TOX2: variants seen among roughly 807,000 people sequenced by gnomAD.
The protein encoded by TOX2 is TOX high mobility group box family member 2.
A neutral mutation model predicts 47.4 loss-of-function variants in TOX2; 15 were observed. The ratio of observed to expected loss-of-function variants is 0.32; its 90% CI spans 0.21 to 0.49. The LOEUF (loss-of-function observed/expected upper bound fraction) is 0.49. TOX2 is among the 20% of genes least tolerant of loss of function. The pLI is 0.99. For synonymous variants in TOX2, 290 were observed against 296.6 expected, an observed-to-expected ratio of 0.98 and a Z score of 0.23; for missense variants, 622 against 673.1, an observed-to-expected ratio of 0.92 and a Z score of 0.84.
At chr20:44,034,764 C>G (rs1274850681) in intron 3 of TOX2, among the ~76,000 whole-genome samples, 1 of 152,198 alleles carries the variant, frequency 6.6e-6, no homozygotes, top group African/African-American at 2.4e-5. Context: ...CTTCTCACAT[C>G]ATTGATCCAA....
At chr20:43,984,341 A>G (rs1212112072) in intron 2 of TOX2, among the ~76,000 whole-genome samples, 1 of 152,250 alleles carries the variant, frequency 6.6e-6, no homozygotes, top group Non-Finnish European at 1.5e-5. Flanking sequence ...CAGTTGGAGA[A>G]TAAAATACAA....
intron 3 of TOX2, among the ~76,000 whole-genome samples, chr20:44,027,735 G>T (rs191101371): frequency 2.7e-4 from 41 of 152,342 alleles, no homozygotes; most frequent in Non-Finnish European, 4.1e-4. Flanking sequence ...GCAGAAGGAA[G>T]TGCACAGGCA....
intron 1 of TOX2, among the ~76,000 whole-genome samples, chr20:43,921,326 C>T (rs1568997706): frequency 6.6e-6 from 1 of 152,196 alleles, no homozygotes; most frequent in Non-Finnish European, 1.5e-5. Flanking sequence ...TCTCTGATTT[C>T]CTAGAGTTGG....
chr20:43,918,652 T>TTG (rs1159334614), intron 1 of TOX2, among the ~76,000 whole-genome samples: 1 of 152,254 alleles, frequency 6.6e-6, no homozygotes, highest in Admixed American at 6.5e-5. Flanking sequence ...ATCCACGATG[T>TTG]TGTATATATC....
rs754794148 is a variant in TOX2 at position 44,051,423 on chromosome 20, A to G, written c.529A>G (p.Ile177Val). The G allele has an allele frequency of 1.9e-6, 3 of 1,613,954 alleles. No homozygotes were observed. Among genetic ancestry groups the G allele is most frequent in the Non-Finnish European group, 2.5e-6 (3 of 1,180,004 alleles). ...HMSALSQSQL[I>V]SQMGIRSSIA... ...GAGTGCCCTCAGCCAGTCCCAGCTCATCTCGCAGATGGGCATCCGGAGCAG... is the reference window on the plus strand; with the variant it reads ...GAGTGCCCTCAGCCAGTCCCAGCTCGTCTCGCAGATGGGCATCCGGAGCAG... Residue 177 changes from isoleucine (I) to valine (V), a missense_variant, in exon 4 of 9, where the codon ATC becomes GTC. This residue lies in a region of TOX2 where 307 missense variants were observed against 327.3 expected (regional missense o/e 0.94). Transcript: ENST00000341197.
Position 44,051,453 on chromosome 20 carries a change from G to A in TOX2, c.559G>A (p.Ala187Thr), listed in dbSNP as rs761415679. 5.0e-6 allele frequency: 8 copies of A among 1,613,834 alleles called. No individual in the cohort carries two copies. The highest frequency in any genetic ancestry group is 2.7e-5 in the African/African-American group (2 of 75,030). ...GCAGATGGGCATCCGGAGCAGCATC[G>A]CCCACAGCTCCCCATCACCGCCGGG... ...ISQMGIRSSI[A>T]HSSPSPPGSK... Residue 187 changes from alanine (A) to threonine (T), a missense_variant, in exon 4 of 9, where the codon GCC becomes ACC. By Grantham distance (58) the Ala-to-Thr change is moderately conservative. Around this residue, in one of 3 missense-constraint regions of TOX2, gnomAD observed 307 missense variants for 327.3 expected, o/e 0.94. Transcript: ENST00000341197.
At chr20:44,042,992 CA>C (rs2071357526) in intron 3 of TOX2, among the ~76,000 whole-genome samples, 1 of 152,170 alleles carries the variant, frequency 6.6e-6, no homozygotes, top group Admixed American at 6.5e-5. Context: ...GCAAGAACAG[CA>C]GTGCCATTTT....
intron 5 of TOX2, among the ~76,000 whole-genome samples, chr20:44,060,478 C>T (rs962306543): frequency 3.3e-5 from 5 of 152,118 alleles, no homozygotes; most frequent in African/African-American, 1.2e-4. Context: ...ATGGAACGTT[C>T]TCCAAGATAG....
chr20:43,999,748 C>A (rs1162930586), intron 2 of TOX2, among the ~76,000 whole-genome samples: 1 of 152,142 alleles, frequency 6.6e-6, no homozygotes, highest in Non-Finnish European at 1.5e-5. Flanking sequence ...TATGGAATTG[C>A]CAGGGGGCCT....
At chr20:43,952,542 G>C (rs1341001335) in intron 1 of TOX2, among the ~76,000 whole-genome samples, 1 of 152,206 alleles carries the variant, frequency 6.6e-6, no homozygotes, top group African/African-American at 2.4e-5. Context: ...TGGTCCTCTA[G>C]AGAAAGCCTG....
intron 1 of TOX2, among the ~76,000 whole-genome samples, chr20:43,955,778 T>A (rs75532413): frequency 6.6e-6 from 1 of 152,186 alleles, no homozygotes; most frequent in Admixed American, 6.5e-5. Flanking sequence ...ACTGCCACGC[T>A]GTTTTACTTA....
chr20:44,040,022 G>A (rs1456391907), intron 3 of TOX2, among the ~76,000 whole-genome samples: 1 of 152,240 alleles, frequency 6.6e-6, no homozygotes, highest in Non-Finnish European at 1.5e-5. Flanking sequence ...TGCTAAAAGT[G>A]TTGGGGCAGC....
chr20:43,945,465 G>A (rs974438870), intron 1 of TOX2, among the ~76,000 whole-genome samples: 1 of 152,240 alleles, frequency 6.6e-6, no homozygotes, highest in Non-Finnish European at 1.5e-5. Flanking sequence ...CATGCACTGA[G>A]TACAGGTATT....
Position 44,055,302 on chromosome 20 carries a change from G to A in TOX2, c.879+776G>A, listed in dbSNP as rs566014867. 7.2e-5 allele frequency among the ~76,000 whole-genome samples: 11 copies of A among 152,338 alleles called. No individual in the cohort carries two copies. The South Asian group carries it at 1.0e-3, about 14-fold the overall frequency. ...GTAAAATTACAATTGTGATTGTGCCGTGTACCAGGAGGGTACATAGTTCAT... is the reference window on the plus strand; with the variant it reads ...GTAAAATTACAATTGTGATTGTGCCATGTACCAGGAGGGTACATAGTTCAT... On this transcript the variant is annotated intron_variant, in intron 5 of 8. Coordinates refer to ENST00000341197, the MANE Select transcript of TOX2 (RefSeq NM_001098797.2).
At chr20:44,064,650 C>A in intron 5 of TOX2, 127 bp from the exon 6 acceptor site, 1 of 850,630 alleles carries the variant, frequency 1.2e-6, no homozygotes, top group South Asian at 1.6e-5. Flanking sequence ...CTGGCTGACT[C>A]AGCTTCTGAC....
chr20:43,955,460 G>T (rs925988139), intron 1 of TOX2, among the ~76,000 whole-genome samples: 1 of 152,196 alleles, frequency 6.6e-6, no homozygotes, highest in Admixed American at 6.5e-5. Flanking sequence ...AAAGCTTAGG[G>T]CAGGGTGAGC....
intron 1 of TOX2, among the ~76,000 whole-genome samples, chr20:43,935,308 G>GCCT (rs1417298220): frequency 2.0e-5 from 3 of 152,142 alleles, no homozygotes; most frequent in Non-Finnish European, 4.4e-5. Context: ...CCTCTCCTGC[G>GCCT]TAGGATGTTA....
At chr20:44,009,279 T>A (rs1370721778) in intron 3 of TOX2, among the ~76,000 whole-genome samples, 7 of 152,208 alleles carry the variant, frequency 4.6e-5, no homozygotes. Flanking sequence ...TGTATTTTTA[T>A]AAGGCACGTC....
In TOX2 at chr20:43,926,901, C is replaced by T. The variant is rs139692796; in HGVS notation, c.99+11911C>T. The stretch of plus-strand genomic sequence containing the variant: ...TTGCAACAGTCTCCGCAGTGGTCCA[C>T]GAAGGTGGCCAGGAGCTATTCTCTT... On this transcript the variant is annotated intron_variant, in intron 1 of 8. Coordinates refer to ENST00000341197, the MANE Select transcript of TOX2 (RefSeq NM_001098797.2). Among the ~76,000 whole-genome samples the T allele has an allele frequency of 5.5e-4, 84 of 152,322 alleles. 1 individual carries two copies. Among genetic ancestry groups the T allele is most frequent in the African/African-American group, 1.5e-3 (64 of 41,568 alleles).
Sources: allele counts gnomAD v4.1 joint callset (sites outside exome capture counted in the v4.1 genomes callset), GRCh38; gene constraint gnomAD v4.1.1; regional missense constraint gnomAD v4.1.1; transcripts MANE v1.5; gene names NCBI Gene and HGNC (gene_info 2026-07-23, HGNC 2026-07-21).